The following SORCS1 variants were observed in gnomAD, a reference collection of about 807,000 sequenced individuals.
The protein encoded by SORCS1 is sortilin related VPS10 domain containing receptor 1.
In SORCS1, 60 loss-of-function variants were observed where a neutral mutation model predicts 146.1. The observed-to-expected ratio is 0.41, with a 90% CI of 0.33 to 0.51. The LOEUF (loss-of-function observed/expected upper bound fraction) is 0.51. Among genes scored for constraint, SORCS1 ranks in the 20% least tolerant of loss-of-function variants. The pLI, the probability that SORCS1 is intolerant of heterozygous loss-of-function variation, is 0.21. For missense variants in SORCS1, 1,352 were observed against 1,487.6 expected (o/e 0.91, Z 1.50); for synonymous variants, 637 against 584.0 (o/e 1.09, Z -1.31).
intron 2 of SORCS1, among the ~76,000 whole-genome samples, chr10:106,901,238 TAGAA>T (rs1042990370): frequency 6.6e-6 from 1 of 152,194 alleles, no homozygotes; most frequent in African/African-American, 2.4e-5. Context: ...TCACAGGTAT[TAGAA>T]AGCAGCCCAA....
At chr10:106,645,767 T>C (rs1232008821) in intron 18 of SORCS1, among the ~76,000 whole-genome samples, 2 of 152,036 alleles carry the variant, frequency 1.3e-5, no homozygotes, top group East Asian at 1.9e-4. Flanking sequence ...AATAATTTTA[T>C]TATTTTATTA....
At chr10:107,061,862 G>A (rs760297386) in intron 1 of SORCS1, among the ~76,000 whole-genome samples, 20 of 152,198 alleles carry the variant, frequency 1.3e-4, no homozygotes, top group African/African-American at 2.2e-4. Context: ...AGAGAAATAC[G>A]TTAACAGAAT....
At chr10:106,612,892 G>A (rs185218111) in intron 21 of SORCS1, among the ~76,000 whole-genome samples, 291 of 152,064 alleles carry the variant, frequency 1.9e-3, no homozygotes, top group Middle Eastern at 6.8e-3. Flanking sequence ...TGCACACACC[G>A]TTCTTCTGCC....
chr10:107,000,001 C>T (rs143263544), intron 1 of SORCS1, among the ~76,000 whole-genome samples: 47 of 152,012 alleles, frequency 3.1e-4, no homozygotes, highest in Middle Eastern at 3.4e-3. Context: ...AGGGGCAAGC[C>T]AGAAAGAATC....
rs1363513449 is a variant in SORCS1 at position 106,949,663 on chromosome 10, C to T, written c.626+6850G>A. ...TCAAAAGCCTAACACATTCTCTCTC[C>T]TTAAATTGCACTTGCTTTGTGCCCC... On this transcript the variant is annotated intron_variant, in intron 2 of 25. Transcript: ENST00000263054. 2.6e-5 allele frequency among the ~76,000 whole-genome samples: 4 copies of T among 152,220 alleles called. 1 individual carries two copies. The highest frequency in any genetic ancestry group is 2.0e-4 in the Admixed American group (3 of 15,290).
intron 2 of SORCS1, among the ~76,000 whole-genome samples, chr10:106,894,514 T>C (rs1951387858): frequency 6.6e-6 from 1 of 152,058 alleles, no homozygotes; most frequent in Admixed American, 6.5e-5. Context: ...GAAGTAGATA[T>C]ACAAAAATAA....
Position 106,784,352 on chromosome 10 carries a change from G to A in SORCS1, c.727-7660C>T, listed in dbSNP as rs557678697. On this transcript the variant is annotated intron_variant, in intron 3 of 25. Coordinates refer to ENST00000263054, the MANE Select transcript of SORCS1 (RefSeq NM_052918.5). ...GGAGCTTGCAGTGAGCCAAGATCGC[G>A]CCACTGCTCTCCAGCCTGGGCGACA... Among the ~76,000 whole-genome samples the A allele has an allele frequency of 5.4e-5, 8 of 149,228 alleles. No homozygotes were observed. The South Asian group carries it at 1.5e-3, about 28-fold the overall frequency.
intron 2 of SORCS1, among the ~76,000 whole-genome samples, chr10:106,922,975 A>C (rs1952791551): frequency 6.9e-6 from 1 of 144,798 alleles, no homozygotes; most frequent in African/African-American, 2.6e-5. Flanking sequence ...TGGAACCTCC[A>C]CCTCCCGGGT....
At chr10:106,933,869 G>A (rs1193844357) in intron 2 of SORCS1, among the ~76,000 whole-genome samples, 1 of 152,138 alleles carries the variant, frequency 6.6e-6, no homozygotes, top group African/African-American at 2.4e-5. Context: ...CAAGGCAGAT[G>A]GATCACCTGA....
chr10:106,690,632 T>C (rs192202503), intron 9 of SORCS1, among the ~76,000 whole-genome samples: 1 of 152,310 alleles, frequency 6.6e-6, no homozygotes, highest in African/African-American at 2.4e-5. Flanking sequence ...TCTTGAGGAA[T>C]AAAAACTTGG....
chr10:107,164,606 G>T lies in SORCS1; in HGVS notation c.-80C>A. ...AGCTCTGCGCTGGCGGCTGTGGGGG[G>T]CCGGCGCTCAGGACCCCAACTCCAT... On this transcript the variant is annotated 5_prime_UTR_variant, in exon 1 of 26. Transcript: ENST00000263054. This position sits in a 1 kb window ranked among gnomAD's most constrained non-coding sequence, Gnocchi z 6.8. The T allele has an allele frequency of 1.7e-6, 2 of 1,194,140 alleles. No individual in the cohort carries two copies. The highest frequency in any genetic ancestry group is 2.1e-6 in the Non-Finnish European group (2 of 933,464). 74.0% of individuals were successfully genotyped at this position (1,194,140 alleles called of 1,614,324 possible). A position where few individuals can be genotyped will look rare whatever the true frequency, so the allele number is the denominator to read the frequency against.
At chr10:107,070,355 T>G (rs1291405095) in intron 1 of SORCS1, among the ~76,000 whole-genome samples, 1 of 152,196 alleles carries the variant, frequency 6.6e-6, no homozygotes, top group African/African-American at 2.4e-5. Context: ...GTTAACTCCA[T>G]GCTTAACTTT....
intron 1 of SORCS1, among the ~76,000 whole-genome samples, chr10:107,123,305 G>C (rs2134560550): frequency 6.6e-6 from 1 of 152,304 alleles, no homozygotes; most frequent in South Asian, 2.1e-4. Context: ...ATATGCATAT[G>C]TAATAAAGCA....
chr10:107,087,713 C>A (rs1039379108), intron 1 of SORCS1, among the ~76,000 whole-genome samples: 7 of 152,264 alleles, frequency 4.6e-5, no homozygotes, highest in Middle Eastern at 3.4e-3. Flanking sequence ...AGAAGTCAAG[C>A]GTTTGAAGAA....
intron 10 of SORCS1, among the ~76,000 whole-genome samples, chr10:106,682,927 G>T (rs1045582384): frequency 3.3e-5 from 5 of 152,190 alleles, no homozygotes; most frequent in Non-Finnish European, 7.3e-5. Flanking sequence ...CACATGCTTG[G>T]AAGCTGCCCT....
intron 9 of SORCS1, among the ~76,000 whole-genome samples, chr10:106,691,907 C>T (rs1269746644): frequency 7.2e-6 from 1 of 138,142 alleles, no homozygotes; most frequent in African/African-American, 2.5e-5. Flanking sequence ...AAATTAATTC[C>T]AATTTGGTCA....
chr10:106,650,409 C>T (rs935124689), intron 18 of SORCS1, among the ~76,000 whole-genome samples: 3 of 152,216 alleles, frequency 2.0e-5, no homozygotes, highest in South Asian at 2.1e-4. Flanking sequence ...GAATTCAAAT[C>T]TTTATCTCCC....
intron 1 of SORCS1, among the ~76,000 whole-genome samples, chr10:107,111,645 G>A (rs1194572179): frequency 1.3e-5 from 2 of 152,112 alleles, no homozygotes; most frequent in Non-Finnish European, 2.9e-5. Context: ...GAGAGTAAGA[G>A]ACAGAGAATT....
At chr10:106,982,883 A>T (rs913413756) in intron 1 of SORCS1, among the ~76,000 whole-genome samples, 1 of 152,096 alleles carries the variant, frequency 6.6e-6, no homozygotes. Flanking sequence ...AGAACACCTG[A>T]TTAGTCCTGA....
Sources: gnomAD v4.1 joint callset for allele counts (sites outside exome capture counted in the v4.1 genomes callset) on GRCh38, gnomAD v4.1.1 for gene constraint, Gnocchi (gnomAD v3.1) non-coding constraint, MANE v1.5 for transcripts, NCBI Gene and HGNC (gene_info 2026-07-23, HGNC 2026-07-21) for gene names.